FNIP1: variants seen among roughly 807,000 people sequenced by gnomAD.
FNIP1 encodes the protein folliculin interacting protein 1.
A neutral mutation model predicts 124.5 loss-of-function variants in FNIP1; 40 were observed. The ratio of observed to expected loss-of-function variants is 0.32; its 90% CI spans 0.25 to 0.42. FNIP1 has a LOEUF of 0.42. FNIP1 is among the 10% of genes least tolerant of loss of function. The pLI, the probability that FNIP1 is intolerant of heterozygous loss-of-function variation, is 1.00. For synonymous variants in FNIP1, 472 were observed against 470.6 expected, an observed-to-expected ratio of 1.00 and a Z score of -0.04; for missense variants, 1,176 against 1,403.7, an observed-to-expected ratio of 0.84 and a Z score of 2.59.
In FNIP1 at chr5:131,679,118, T is replaced by C. The variant is rs1767997399; in HGVS notation, c.1260A>G (p.Thr420=). ...TCTTTTCTGGAGTCCCCGACATCATTGTAAGCCAGACAGGTTCTCCAATTC... is the reference window on the plus strand; with the variant it reads ...TCTTTTCTGGAGTCCCCGACATCATCGTAAGCCAGACAGGTTCTCCAATTC... ...MPRIGEPVWL[T]MMSGTPEKNH... Residue 420 remains threonine, a synonymous_variant, in exon 12 of 18, where the codon ACA becomes ACG. Coordinates refer to ENST00000510461, the MANE Select transcript of FNIP1 (RefSeq NM_133372.3). 6.2e-7 allele frequency: 1 copy of C among 1,606,504 alleles called. No individual in the cohort carries two copies. Among genetic ancestry groups the C allele is most frequent in the Non-Finnish European group, 8.5e-7 (1 of 1,173,534 alleles).
At position 131,671,958 on chromosome 5, in the gene FNIP1, G is replaced by T. The variant is rs1767767088; in HGVS notation, c.2486C>A (p.Pro829Gln). The T allele has an allele frequency of 3.1e-6, 5 of 1,614,150 alleles. No individual in the cohort carries two copies. In the East Asian group the frequency reaches 1.1e-4, roughly 36 times the overall value. ...CELPCWNHSD[P>Q]ESMSLFDEYF... ...TTCGTCGAATAAGCTCATGCTTTCTGGGTCTGAATGATTCCAACAGGGAAG... is the reference window on the plus strand; with the variant it reads ...TTCGTCGAATAAGCTCATGCTTTCTTGGTCTGAATGATTCCAACAGGGAAG... The change falls in exon 14 of 18, where the codon CCA becomes CAA. Residue 829 changes from proline (P) to glutamine (Q), a missense_variant. Pro to Gln is a moderately conservative substitution (Grantham distance 76, BLOSUM62 -1). This residue lies in a region of FNIP1 where 1,109 missense variants were observed against 1,288.5 expected (regional missense o/e 0.86). Transcript: ENST00000510461.
At chr5:131,673,119 T>G (rs932406288) in intron 13 of FNIP1, among the ~76,000 whole-genome samples, 195 bp from the exon 14 acceptor site, 1 of 151,742 alleles carries the variant, frequency 6.6e-6, no homozygotes, top group Non-Finnish European at 1.5e-5. Context: ...ACAATCATGG[T>G]TCACTGCAGC....
At chr5:131,752,120 T>C (rs539444045) in intron 1 of FNIP1, among the ~76,000 whole-genome samples, 2 of 152,200 alleles carry the variant, frequency 1.3e-5, no homozygotes, top group Non-Finnish European at 2.9e-5. Context: ...CTTGGCTCAC[T>C]GCAAGCTCCG....
Position 131,796,820 on chromosome 5 carries a change from A to C in FNIP1, c.92+10T>G. 1 of 1,570,868 alleles carries C rather than the reference A, an allele frequency of 6.4e-7. No homozygotes were observed. Among genetic ancestry groups the C allele is most frequent in the East Asian group, 2.3e-5 (1 of 42,710 alleles). On this transcript the variant is annotated intron_variant, in intron 1 of 17. Transcript: ENST00000510461. ...ATCGGCTCCGCGACCCCCGCCCCAC[A>C]GCGCCCTACCTGAACCCGCAATCTG... is the stretch of plus-strand genomic sequence containing the variant.
At chr5:131,653,850 T>C (rs1302946205) in intron 15 of FNIP1, among the ~76,000 whole-genome samples, 1 of 152,200 alleles carries the variant, frequency 6.6e-6, no homozygotes, top group East Asian at 1.9e-4. Context: ...CAAGTGATTC[T>C]CCTGCCTCAG....
chr5:131,675,935 T>C (rs191366030), intron 13 of FNIP1, among the ~76,000 whole-genome samples: 10 of 151,946 alleles, frequency 6.6e-5, no homozygotes, highest in South Asian at 6.3e-4. Context: ...TCTCGGCTCA[T>C]TGCAACCTCT....
intron 15 of FNIP1, among the ~76,000 whole-genome samples, chr5:131,667,017 C>T (rs1417336888): frequency 1.3e-5 from 2 of 152,134 alleles, no homozygotes; most frequent in African/African-American, 4.8e-5. Context: ...AAATAATAGG[C>T]ACTTCATCAG....
chr5:131,729,994 G>C (rs566804519), intron 3 of FNIP1, among the ~76,000 whole-genome samples: 2 of 151,978 alleles, frequency 1.3e-5, no homozygotes, highest in South Asian at 4.1e-4. Flanking sequence ...GCCCACCTCA[G>C]CCTCCCAAAA....
chr5:131,648,536 C>T (rs1766956690), intron 16 of FNIP1, among the ~76,000 whole-genome samples: 1 of 151,890 alleles, frequency 6.6e-6, no homozygotes, highest in Admixed American at 6.6e-5. Context: ...AAAACACAAC[C>T]AAATGGTTGT....
At chr5:131,785,143 AG>A (rs1332716647) in intron 1 of FNIP1, among the ~76,000 whole-genome samples, 1,913 of 11,336 alleles carry the variant, frequency 0.17, 194 homozygotes, top group African/African-American at 0.34. Context: ...CTATATATAT[AG>A]TCATATATAT....
intron 1 of FNIP1, among the ~76,000 whole-genome samples, chr5:131,744,976 C>A (rs1021577946): frequency 4.0e-5 from 6 of 151,364 alleles, no homozygotes; most frequent in African/African-American, 1.5e-4. Context: ...AATAAATATA[C>A]ATAAGTATAT....
At chr5:131,656,394 T>G (rs568953870) in intron 15 of FNIP1, among the ~76,000 whole-genome samples, 1 of 152,292 alleles carries the variant, frequency 6.6e-6, no homozygotes, top group African/African-American at 2.4e-5. Flanking sequence ...TGCCACTAGG[T>G]GTGAAAACCA....
intron 11 of FNIP1, among the ~76,000 whole-genome samples, chr5:131,680,453 G>T (rs956950597): frequency 3.9e-5 from 6 of 152,174 alleles, no homozygotes; most frequent in Non-Finnish European, 7.3e-5. Context: ...GAGCAAATAT[G>T]ACTAGAATAC....
rs1367206749 is a variant in FNIP1, at chr5:131,796,943, G to A, written c.-22C>T. 1.9e-6 allele frequency: 3 copies of A among 1,583,002 alleles called. No homozygotes were observed. The highest frequency in any genetic ancestry group is 2.3e-5 in the East Asian group (1 of 43,384). ...CCATGCTAGCCACGGCCAGGCAGGG[G>A]TCGCTCCGCTGGGCGCTTGCTAGGC... On this transcript the variant is annotated 5_prime_UTR_variant, in exon 1 of 18. Coordinates refer to ENST00000510461, the MANE Select transcript of FNIP1 (RefSeq NM_133372.3).
intron 1 of FNIP1, among the ~76,000 whole-genome samples, chr5:131,765,245 G>A (rs747424333): frequency 2.6e-5 from 4 of 152,002 alleles, no homozygotes; most frequent in African/African-American, 4.8e-5. Context: ...AAAGCATCAT[G>A]AAAACTTTTC....
chr5:131,676,235 G>A (rs890099596), intron 13 of FNIP1, among the ~76,000 whole-genome samples: 1 of 152,026 alleles, frequency 6.6e-6, no homozygotes, highest in Non-Finnish European at 1.5e-5. Context: ...GGATGGTCTC[G>A]ATCTCCTGCC....
intron 2 of FNIP1, among the ~76,000 whole-genome samples, chr5:131,737,330 G>T (rs562360809): frequency 1.3e-4 from 20 of 152,272 alleles, no homozygotes; most frequent in Non-Finnish European, 2.5e-4. Flanking sequence ...AGAATAGTAT[G>T]TGTGTGTATG....
At chr5:131,719,176 T>C (rs559573121) in intron 4 of FNIP1, 116 bp from the exon 5 acceptor site, 3 of 1,128,908 alleles carry the variant, frequency 2.7e-6, no homozygotes, top group East Asian at 2.5e-5. Context: ...GCAAGAGCCA[T>C]GAAGTAGCAT....
At chr5:131,725,924 C>T (rs535298420) in intron 3 of FNIP1, among the ~76,000 whole-genome samples, 146 of 152,202 alleles carry the variant, frequency 9.6e-4, no homozygotes, top group Non-Finnish European at 1.6e-3. Context: ...TGAATTTTAT[C>T]GAAGACCTTT....
Sources: allele counts gnomAD v4.1 joint callset (sites outside exome capture counted in the v4.1 genomes callset), GRCh38; gene constraint gnomAD v4.1.1; regional missense constraint gnomAD v4.1.1; transcripts MANE v1.5; gene names NCBI Gene and HGNC (gene_info 2026-07-23, HGNC 2026-07-21).